DRC10: variants seen among roughly 807,000 people sequenced by gnomAD.
DRC10 encodes the protein dynein regulatory complex subunit 10, also known as IQ domain-containing protein D.
the DRC10 span, among the ~76,000 whole-genome samples, chr12:113,215,829 A>C: frequency 1.3e-5 from 2 of 152,232 alleles, no homozygotes; most frequent in African/African-American, 4.8e-5. Flanking sequence ...TAACTACTAC[A>C]CACCTATTAG....
At chr12:113,217,281 G>C in the DRC10 span, among the ~76,000 whole-genome samples, 1 of 151,966 alleles carries the variant, frequency 6.6e-6, no homozygotes, top group Non-Finnish European at 1.5e-5. Flanking sequence ...ACAACCTGTG[G>C]AAACTCTCTC....
the DRC10 span, chr12:113,208,001 G>C: frequency 6.2e-7 from 1 of 1,614,164 alleles, no homozygotes. Context: ...GCCTCATCCA[G>C]GATGGACATG....
the DRC10 span, among the ~76,000 whole-genome samples, chr12:113,203,820 C>T: frequency 2.9e-5 from 4 of 138,972 alleles, no homozygotes; most frequent in South Asian, 9.1e-4. Context: ...TGGGGTTTCA[C>T]CCTGTTGCCC....
chr12:113,211,357 A>G, the DRC10 span, among the ~76,000 whole-genome samples: 1 of 152,244 alleles, frequency 6.6e-6, no homozygotes, highest in Admixed American at 6.5e-5. Context: ...ACCAAAGAAC[A>G]CACCAAGAGA....
the DRC10 span, chr12:113,207,672 A>G: frequency 6.2e-7 from 1 of 1,613,964 alleles, no homozygotes; most frequent in Non-Finnish European, 8.5e-7. Flanking sequence ...GGAGCCTAGC[A>G]GCCTGGGGGT....
chr12:113,211,695 T>C, the DRC10 span, among the ~76,000 whole-genome samples: 1 of 152,114 alleles, frequency 6.6e-6, no homozygotes, highest in East Asian at 1.9e-4. Context: ...GGGAATTATC[T>C]TCAATCACTT....
chr12:113,210,105 C>T, the DRC10 span, among the ~76,000 whole-genome samples: 2,555 of 152,256 alleles, frequency 0.017, 57 homozygotes, highest in African/African-American at 0.057. Context: ...CACTGTACTC[C>T]GGCCTGGGCA....
the DRC10 span, among the ~76,000 whole-genome samples, chr12:113,213,680 C>T: frequency 6.6e-6 from 1 of 152,218 alleles, no homozygotes; most frequent in Non-Finnish European, 1.5e-5. Context: ...GACTTCTGGC[C>T]GGGCGCAGTG....
chr12:113,196,544 A>G, the DRC10 span, among the ~76,000 whole-genome samples: 2 of 152,168 alleles, frequency 1.3e-5, no homozygotes, highest in Non-Finnish European at 2.9e-5. Context: ...CCTGCCCGCA[A>G]CCAACCCACA....
chr12:113,208,218 G>A, the DRC10 span: 1 of 1,548,932 alleles, frequency 6.5e-7, no homozygotes, highest in Admixed American at 2.0e-5. Context: ...GGAGACTTCG[G>A]TAGACTACTT....
the DRC10 span, among the ~76,000 whole-genome samples, chr12:113,219,793 CTTATTTATTTAT>C: frequency 3.3e-5 from 5 of 151,384 alleles, no homozygotes; most frequent in East Asian, 1.9e-4. Flanking sequence ...CCACCTCAGC[CTTATTTATTTAT>C]TTATTTATTT....
the DRC10 span, among the ~76,000 whole-genome samples, chr12:113,210,140 GA>G: frequency 1.3e-5 from 2 of 152,180 alleles, no homozygotes; most frequent in Non-Finnish European, 2.9e-5. Flanking sequence ...TGTTTCAAAA[GA>G]TAGATAGACA....
At chr12:113,205,303 C>T in the DRC10 span, among the ~76,000 whole-genome samples, 1 of 151,506 alleles carries the variant, frequency 6.6e-6, no homozygotes, top group African/African-American at 2.4e-5. Context: ...GAGGCCAAGG[C>T]GGGCAGATCA....
chr12:113,216,018 C>T, the DRC10 span, among the ~76,000 whole-genome samples: 2 of 152,074 alleles, frequency 1.3e-5, no homozygotes, highest in Admixed American at 6.6e-5. Flanking sequence ...TGGTGTTTAC[C>T]CAAAGGAGTT....
the DRC10 span, chr12:113,208,236 G>A: frequency 1.9e-5 from 29 of 1,521,254 alleles, no homozygotes; most frequent in African/African-American, 1.4e-4. Flanking sequence ...CTTGGGTCTC[G>A]TGCTTTTATT....
chr12:113,216,166 C>T, the DRC10 span, among the ~76,000 whole-genome samples: 27 of 152,046 alleles, frequency 1.8e-4, no homozygotes, highest in Admixed American at 1.4e-3. Flanking sequence ...TGGGGCATCC[C>T]GACAATGGAA....
the DRC10 span, among the ~76,000 whole-genome samples, chr12:113,197,101 C>A: frequency 6.6e-6 from 1 of 151,984 alleles, no homozygotes; most frequent in Admixed American, 6.5e-5. Context: ...CTGGCAGGAG[C>A]CCATCCAGAG....
At chr12:113,214,291 C>T in the DRC10 span, among the ~76,000 whole-genome samples, 4 of 151,770 alleles carry the variant, frequency 2.6e-5, no homozygotes, top group African/African-American at 9.7e-5. Context: ...GGTGGATCAC[C>T]TGAGGTCAGG....
chr12:113,211,069 C>A, the DRC10 span, among the ~76,000 whole-genome samples: 3 of 152,088 alleles, frequency 2.0e-5, no homozygotes. Flanking sequence ...CTTTTAAACT[C>A]ATTGAGCTCT....
Sources: gnomAD v4.1 joint callset for allele counts (sites outside exome capture counted in the v4.1 genomes callset) on GRCh38, gnomAD v4.1.1 for gene constraint, MANE v1.5 for transcripts, NCBI Gene and HGNC (gene_info 2026-07-23, HGNC 2026-07-21) for gene names.